IL16: variants seen among roughly 807,000 people sequenced by gnomAD.
IL16 encodes the protein pro-interleukin-16.
A neutral mutation model predicts 110.1 loss-of-function variants in IL16; 67 were observed. That is an observed-to-expected ratio of 0.61 (90% CI 0.50 to 0.75). The LOEUF is 0.75. Among genes scored for constraint, IL16 ranks in the 30% least tolerant of loss-of-function variants. The probability of loss-of-function intolerance (pLI) is 0.00; values close to 1 mark genes in which losing one functional copy is unlikely to be tolerated. For synonymous variants in IL16, 689 were observed against 662.9 expected (o/e 1.04, Z -0.61); for missense variants, 1,545 against 1,655.0 (o/e 0.93, Z 1.15).
chr15:81,223,747 G>A (rs1896695728), intron 1 of IL16, among the ~76,000 whole-genome samples: 1 of 152,230 alleles, frequency 6.6e-6, no homozygotes, highest in South Asian at 2.1e-4. Flanking sequence ...CAGTACTACT[G>A]TTGGCCAGAG....
intron 11 of IL16, chr15:81,292,208 T>A: frequency 2.7e-6 from 1 of 372,142 alleles, no homozygotes; most frequent in Non-Finnish European, 5.2e-6. Context: ...AAGGCAGCTG[T>A]CTGCAGCTGT....
At chr15:81,254,229 A>C (rs529921853) in intron 2 of IL16, among the ~76,000 whole-genome samples, 1 of 152,222 alleles carries the variant, frequency 6.6e-6, no homozygotes, top group Non-Finnish European at 1.5e-5. Flanking sequence ...AATGCCAGTG[A>C]TGTCAGCCAG....
rs1896760719 is a variant in IL16 at position 81,225,579 on chromosome 15, T to C, written c.180T>C (p.Ser60=). The change falls in exon 2 of 19, where the codon TCT becomes TCC. Residue 60 remains serine, a synonymous_variant. Transcript: ENST00000683961. Reference sequence around the variant, plus strand: ...GCAAGGAGGGAATTTTCCACTCATCTGTGCAGCTGGCAGACACATCGGAGG... The same window carrying C: ...GCAAGGAGGGAATTTTCCACTCATCCGTGCAGCTGGCAGACACATCGGAGG... ...AQGKEGIFHS[S]VQLADTSEAG... The C allele has an allele frequency of 6.2e-7, 1 of 1,614,028 alleles. No homozygotes were observed. The highest frequency in any genetic ancestry group is 8.5e-7 in the Non-Finnish European group (1 of 1,180,006).
At chr15:81,217,444 G>C (rs1896472592) in intron 1 of IL16, among the ~76,000 whole-genome samples, 1 of 152,100 alleles carries the variant, frequency 6.6e-6, no homozygotes, top group Non-Finnish European at 1.5e-5. Flanking sequence ...GGGATGCCAG[G>C]ACCAAAAAAT....
chr15:81,301,200 C>T (rs1900267431), intron 14 of IL16, 144 bp from the exon 15 acceptor site: 1 of 615,604 alleles, frequency 1.6e-6, no homozygotes, highest in Non-Finnish European at 2.8e-6. Flanking sequence ...TGAAGGTATG[C>T]TAGTATCTAC....
At chr15:81,274,252 C>T (rs1191253782) in intron 6 of IL16, among the ~76,000 whole-genome samples, 2 of 152,168 alleles carry the variant, frequency 1.3e-5, no homozygotes, top group Non-Finnish European at 2.9e-5. Flanking sequence ...TTTTCAATGT[C>T]TCATGAACAA....
At position 81,301,444 on chromosome 15, in the gene IL16, C is replaced by T. The variant is rs1900280874; in HGVS notation, c.3250C>T (p.Leu1084=). Residue 1084 remains leucine, a synonymous_variant, in exon 15 of 19, where the codon CTG becomes TTG. Coordinates refer to ENST00000683961, the MANE Select transcript of IL16 (RefSeq NM_172217.5). ...SLQSGQSVIS[L]LSSEELKKLI... is the part of the protein sequence containing the mutation. Reference sequence around the variant, plus strand: ...TCAGTCTGGTCAGTCCGTTATCTCCCTGCTGAGCTCAGAAGAATTAAAAAA... The same window carrying T: ...TCAGTCTGGTCAGTCCGTTATCTCCTTGCTGAGCTCAGAAGAATTAAAAAA... 3.1e-6 allele frequency: 5 copies of T among 1,614,124 alleles called. No homozygotes were observed. The East Asian group carries it at 1.1e-4, about 36-fold the overall frequency.
intron 5 of IL16, 112 bp downstream of exon 5, chr15:81,269,760 C>A: frequency 1.4e-6 from 1 of 721,036 alleles, no homozygotes; most frequent in Non-Finnish European, 2.5e-6. Flanking sequence ...CCTGGCGCAT[C>A]AGAAGAGACA....
intron 2 of IL16, among the ~76,000 whole-genome samples, chr15:81,231,907 T>G (rs1370467062): frequency 2.0e-5 from 3 of 152,220 alleles, no homozygotes; most frequent in Non-Finnish European, 4.4e-5. Flanking sequence ...ATCACATATG[T>G]ATAGGTCTAT....
At chr15:81,274,955 G>A (rs566411497) in intron 6 of IL16, among the ~76,000 whole-genome samples, 1 of 152,186 alleles carries the variant, frequency 6.6e-6, no homozygotes, top group South Asian at 2.1e-4. Flanking sequence ...GTGGGCCATT[G>A]TGAGCCCCAG....
At chr15:81,201,871 G>A (rs1334575778) in intron 1 of IL16, among the ~76,000 whole-genome samples, 1 of 152,118 alleles carries the variant, frequency 6.6e-6, no homozygotes, top group African/African-American at 2.4e-5. Context: ...ATTCTATGTA[G>A]CACAAAAAGA....
At chr15:81,255,563 C>T (rs1369989827) in intron 2 of IL16, among the ~76,000 whole-genome samples, 2 of 152,218 alleles carry the variant, frequency 1.3e-5, no homozygotes, top group East Asian at 3.8e-4. Flanking sequence ...CAAGAGGCTA[C>T]ACCTCCCTGC....
rs1480198386 is a variant in IL16 at position 81,292,575 on chromosome 15, C to A, written c.1440C>A (p.Ser480Arg). ...WSLEGVKRLESSWHGRPTLEK... is the reference protein window; with the variant it reads ...WSLEGVKRLERSWHGRPTLEK... Reference sequence around the variant, plus strand: ...ACACAGGTGTCAAAAGGCTGGAAAGCAGTTGGCACGGGCGGCCCACCTTGG... The same window carrying A: ...ACACAGGTGTCAAAAGGCTGGAAAGAAGTTGGCACGGGCGGCCCACCTTGG... The change falls in exon 12 of 19, where the codon AGC becomes AGA. Residue 480 changes from serine to arginine, a missense_variant. This residue lies in a region of IL16 where 1,185 missense variants were observed against 1,238.8 expected (regional missense o/e 0.96). Transcript: ENST00000683961. 6.2e-7 allele frequency: 1 copy of A among 1,605,748 alleles called. No homozygotes were observed. Among genetic ancestry groups the A allele is most frequent in the East Asian group, 2.2e-5 (1 of 44,648 alleles).
intron 7 of IL16, 36 bp from the exon 8 acceptor site, chr15:81,279,522 G>T (rs1185638055): frequency 2.7e-6 from 4 of 1,472,854 alleles, no homozygotes; most frequent in Non-Finnish European, 3.8e-6. Flanking sequence ...ACCCTGGATT[G>T]CTGCTGGGTG....
chr15:81,187,279 G>A (rs529711044), intron 1 of IL16, among the ~76,000 whole-genome samples: 29 of 152,260 alleles, frequency 1.9e-4, no homozygotes, highest in African/African-American at 6.7e-4. Flanking sequence ...CCAGTGTAAA[G>A]CACACCCCTA....
rs1228237214 is a variant in IL16, at chr15:81,300,404, A to T, written c.3078A>T (p.Ser1026=). The T allele has an allele frequency of 6.2e-7, 1 of 1,614,112 alleles. No homozygotes were observed. The highest frequency in any genetic ancestry group is 8.5e-7 in the Non-Finnish European group (1 of 1,180,010). Residue 1026 remains serine, a synonymous_variant, in exon 14 of 19, where the codon TCA becomes TCT. Coordinates refer to ENST00000683961, the MANE Select transcript of IL16 (RefSeq NM_172217.5). ...CIPKEGASPT[S]SSNEDSAANG... ...CCAAGGAAGGGGCATCTCCAACATC[A>T]TCATCCAACGAAGACTCAGCTGCAA... is the stretch of plus-strand genomic sequence containing the variant.
intron 1 of IL16, among the ~76,000 whole-genome samples, chr15:81,212,622 C>G (rs958589105): frequency 6.6e-6 from 1 of 152,074 alleles, no homozygotes; most frequent in Admixed American, 6.6e-5. Context: ...CAGGCTCCCT[C>G]CACCGCACCC....
chr15:81,262,792 G>C (rs1483339765), intron 3 of IL16, among the ~76,000 whole-genome samples: 1 of 152,184 alleles, frequency 6.6e-6, no homozygotes, highest in Non-Finnish European at 1.5e-5. Context: ...TTAGCCGGGA[G>C]TGGTGGCACA....
chr15:81,222,602 G>A (rs1896653562), intron 1 of IL16, among the ~76,000 whole-genome samples: 2 of 151,690 alleles, frequency 1.3e-5, no homozygotes, highest in Non-Finnish European at 2.9e-5. Flanking sequence ...CTCTCTACAT[G>A]GTCGCCCTCA....
Sources: gnomAD v4.1 joint callset for allele counts (sites outside exome capture counted in the v4.1 genomes callset) on GRCh38, gnomAD v4.1.1 for gene constraint, gnomAD v4.1.1 regional missense constraint, MANE v1.5 for transcripts, NCBI Gene and HGNC (gene_info 2026-07-23, HGNC 2026-07-21) for gene names.